ASXL3: variants seen among roughly 807,000 people sequenced by gnomAD.
The protein encoded by ASXL3 is ASXL transcriptional regulator 3.
In ASXL3, 34 loss-of-function variants were observed where a neutral mutation model predicts 170.6. That is an observed-to-expected ratio of 0.20 (90% confidence interval 0.15 to 0.27). ASXL3 has a LOEUF of 0.27. ASXL3 is among the 10% of genes least tolerant of loss of function. ASXL3 has a pLI of 1.00. For synonymous variants in ASXL3, 1,002 were observed against 989.1 expected, an observed-to-expected ratio of 1.01 and a Z score of -0.24; for missense variants, 2,592 against 2,695.3, an observed-to-expected ratio of 0.96 and a Z score of 0.85.
chr18:33,673,928 T>G (rs2066387308), intron 7 of ASXL3, among the ~76,000 whole-genome samples: 2 of 152,246 alleles, frequency 1.3e-5, no homozygotes, highest in South Asian at 4.1e-4. Context: ...GACTACAAAG[T>G]AATGGAGATA....
At chr18:33,708,754 T>C (rs2067005701) in intron 8 of ASXL3, among the ~76,000 whole-genome samples, 1 of 152,188 alleles carries the variant, frequency 6.6e-6, no homozygotes, top group Non-Finnish European at 1.5e-5. Flanking sequence ...GGCTAAGAGA[T>C]TGAAGAACCA....
chr18:33,638,876 C>T (rs997423278), intron 2 of ASXL3, among the ~76,000 whole-genome samples: 2 of 152,112 alleles, frequency 1.3e-5, no homozygotes, highest in African/African-American at 4.8e-5. Context: ...CATTCTTCTC[C>T]CTGTCCCCTT....
At position 33,745,209 on chromosome 18, in the gene ASXL3, G is replaced by C; in HGVS notation, c.5361G>C (p.Val1787=). Reference sequence around the variant, plus strand: ...CATTGCCTCTTCAAACTACCTCAGTGGGTAAAACAGCACCAGAGAGAAACG... The same window carrying C: ...CATTGCCTCTTCAAACTACCTCAGTCGGTAAAACAGCACCAGAGAGAAACG... ...RLPLPLQTTS[V]GKTAPERNVE... is the part of the protein sequence containing the mutation. Residue 1787 remains valine (V), a synonymous_variant, in exon 12 of 12, where the codon GTG becomes GTC. Coordinates refer to ENST00000269197, the MANE Select transcript of ASXL3 (RefSeq NM_030632.3). The C allele has an allele frequency of 1.2e-6, 2 of 1,613,998 alleles. No individual in the cohort carries two copies. The highest frequency in any genetic ancestry group is 4.5e-5 in the East Asian group (2 of 44,862).
intron 8 of ASXL3, among the ~76,000 whole-genome samples, chr18:33,709,461 A>G (rs927567264): frequency 1.3e-5 from 2 of 152,224 alleles, no homozygotes; most frequent in Non-Finnish European, 2.9e-5. Context: ...AGAATGAACA[A>G]ACGACATCTA....
intron 2 of ASXL3, among the ~76,000 whole-genome samples, chr18:33,608,130 A>C (rs1468844578): frequency 3.3e-5 from 5 of 152,026 alleles, no homozygotes; most frequent in Non-Finnish European, 7.4e-5. Context: ...TGCATCCCGT[A>C]ATAGCTGTTG....
At chr18:33,609,734 C>G (rs550706140) in intron 2 of ASXL3, among the ~76,000 whole-genome samples, 1 of 152,014 alleles carries the variant, frequency 6.6e-6, no homozygotes, top group Non-Finnish European at 1.5e-5. Context: ...TCCTTTGTTA[C>G]AAACACTCAT....
At chr18:33,682,160 C>T (rs1194849294) in intron 7 of ASXL3, among the ~76,000 whole-genome samples, 1 of 152,190 alleles carries the variant, frequency 6.6e-6, no homozygotes, top group Non-Finnish European at 1.5e-5. Flanking sequence ...TGTGACAACT[C>T]TTCAGCTCCA....
intron 4 of ASXL3, among the ~76,000 whole-genome samples, chr18:33,656,062 AGTT>A (rs1486492576): frequency 6.6e-6 from 1 of 152,086 alleles, no homozygotes; most frequent in African/African-American, 2.4e-5. Context: ...ACTCAATAAA[AGTT>A]GTGCAACTGA....
At chr18:33,616,437 C>T (rs1315092716) in intron 2 of ASXL3, among the ~76,000 whole-genome samples, 1 of 150,906 alleles carries the variant, frequency 6.6e-6, no homozygotes, top group East Asian at 1.9e-4. Flanking sequence ...TGTACACGTG[C>T]ATGCATAGGC....
chr18:33,690,466 C>T (rs1173008755), intron 8 of ASXL3: 1 of 152,300 alleles, frequency 6.6e-6, no homozygotes, highest in African/African-American at 2.4e-5. Flanking sequence ...GTCTTGGAGA[C>T]AAGGAACATC....
chr18:33,683,609 A>G (rs1477165417), intron 8 of ASXL3, 41 bp downstream of exon 8: 2 of 1,553,542 alleles, frequency 1.3e-6, no homozygotes, highest in Admixed American at 1.8e-5. Context: ...GCCACTAGTT[A>G]TATTATGATG....
At chr18:33,628,246 T>C (rs1172635339) in intron 2 of ASXL3, among the ~76,000 whole-genome samples, 2 of 152,098 alleles carry the variant, frequency 1.3e-5, no homozygotes, top group African/African-American at 4.8e-5. Flanking sequence ...AGATCTATTA[T>C]TTGGCCTCGG....
intron 1 of ASXL3, among the ~76,000 whole-genome samples, chr18:33,587,472 T>G (rs1272257206): frequency 6.6e-6 from 1 of 152,186 alleles, no homozygotes; most frequent in Non-Finnish European, 1.5e-5. Context: ...GTGAAAGTCT[T>G]TGGATAGCAA....
In ASXL3 at chr18:33,738,783, C is replaced by A. The variant is rs773463875; in HGVS notation, c.1379C>A (p.Thr460Asn). ...GAGGAAATTGCAGAAGAGGTAGAGA[C>A]TAGTATCTGTGAATGCCAGGATGAA... ...IQEEIAEEVE[T>N]SICECQDENH... The change falls in exon 11 of 12, where the codon ACT becomes AAT. Residue 460 changes from threonine to asparagine, a missense_variant. Physicochemically the swap from Thr to Asn is moderately conservative, Grantham distance 65 (BLOSUM62 0). Coordinates refer to ENST00000269197, the MANE Select transcript of ASXL3 (RefSeq NM_030632.3). 64 of 1,613,804 alleles carry A rather than the reference C, an allele frequency of 4.0e-5. No individual in the cohort carries two copies. Among genetic ancestry groups the A allele is most frequent in the East Asian group, 3.6e-4 (16 of 44,884 alleles).
chr18:33,724,570 C>G (rs1040245992), intron 8 of ASXL3, among the ~76,000 whole-genome samples: 28 of 151,904 alleles, frequency 1.8e-4, no homozygotes, highest in Admixed American at 7.9e-4. Context: ...AATAGTTGTT[C>G]TATGAGATAC....
At position 33,744,030 on chromosome 18, in the gene ASXL3, C is replaced by G; in HGVS notation, c.4182C>G (p.Ala1394=). Residue 1394 remains alanine (A), a synonymous_variant, in exon 12 of 12, where the codon GCC becomes GCG. Transcript: ENST00000269197. ...TVSMGTTVRA[A]LSCSDSVAVT... The stretch of plus-strand genomic sequence containing the variant: ...CCATGGGTACCACTGTGAGAGCAGC[C>G]CTCAGCTGCAGTGATTCTGTAGCGG... The G allele has an allele frequency of 6.2e-7, 1 of 1,614,010 alleles. No individual in the cohort carries two copies. Among genetic ancestry groups the G allele is most frequent in the Non-Finnish European group, 8.5e-7 (1 of 1,179,894 alleles).
chr18:33,737,674 A>T (rs2067571391), intron 10 of ASXL3, among the ~76,000 whole-genome samples: 1 of 152,194 alleles, frequency 6.6e-6, no homozygotes, highest in South Asian at 2.1e-4. Context: ...TGGTAGAATA[A>T]CTTTGATAAC....
chr18:33,635,459 T>G (rs1271429203), intron 2 of ASXL3, among the ~76,000 whole-genome samples: 1 of 152,222 alleles, frequency 6.6e-6, no homozygotes, highest in East Asian at 1.9e-4. Flanking sequence ...CCTGGCCTTG[T>G]GGAGGCAGAG....
At position 33,739,745 on chromosome 18, in the gene ASXL3, C is replaced by G. The variant is rs756171085; in HGVS notation, c.2341C>G (p.Pro781Ala). The change falls in exon 11 of 12, where the codon CCG becomes GCG. Residue 781 changes from proline (P) to alanine (A), a missense_variant. Pro to Ala is a conservative substitution (Grantham distance 27, BLOSUM62 -1). This residue lies in a region of ASXL3 where 2,246 missense variants were observed against 2,219.6 expected (regional missense o/e 1.01). Transcript: ENST00000269197. ...TTCTGTATCTGAAGAGCCACTCTCC[C>G]CGCAGAAAGATGAGTCTTCCGCCAC... ...SPSVSEEPLS[P>A]QKDESSATAK... The G allele has an allele frequency of 1.2e-6, 2 of 1,613,720 alleles. No individual in the cohort carries two copies. Among genetic ancestry groups the G allele is most frequent in the Non-Finnish European group, 1.7e-6 (2 of 1,179,846 alleles).
Sources: gnomAD v4.1 joint callset for allele counts (sites outside exome capture counted in the v4.1 genomes callset) on GRCh38, gnomAD v4.1.1 for gene constraint, gnomAD v4.1.1 regional missense constraint, MANE v1.5 for transcripts, NCBI Gene and HGNC (gene_info 2026-07-23, HGNC 2026-07-21) for gene names.